DACH2: variants seen among roughly 807,000 people sequenced by gnomAD.
DACH2 encodes dachshund homolog 2.
Under a neutral mutation model 35.8 loss-of-function variants are expected in DACH2, and 17 were observed. The ratio of observed to expected loss-of-function variants is 0.48; its 90% CI spans 0.33 to 0.71. DACH2 has a LOEUF of 0.71. Ranked by LOEUF, DACH2 falls within the 30% of genes least tolerant of loss-of-function variation. DACH2 has a pLI of 0.02. For synonymous variants in DACH2, 195 were observed against 177.3 expected (o/e 1.10, Z -0.79); for missense variants, 469 against 472.7 (o/e 0.99, Z 0.07).
At chrX:86,656,898 T>C (rs2040549228) in intron 4 of DACH2, among the ~76,000 whole-genome samples, 1 of 93,193 alleles carries the variant, frequency 1.1e-5, no homozygotes, top group African/African-American at 4.0e-5. Context: ...TATAGTGAAG[T>C]AGTGTTCAGC....
intron 2 of DACH2, among the ~76,000 whole-genome samples, chrX:86,499,697 C>T (rs143788313): frequency 2.7e-5 from 3 of 111,625 alleles, no homozygotes; most frequent in Non-Finnish European, 5.6e-5. Context: ...AAATCAGATA[C>T]ATTATCATGT....
chrX:86,308,516 T>C (rs1279091140), intron 1 of DACH2, among the ~76,000 whole-genome samples: 1 of 112,318 alleles, frequency 8.9e-6, no homozygotes, highest in Non-Finnish European at 1.9e-5. Flanking sequence ...GTAGGTCGAA[T>C]GGACAAAATA....
intron 1 of DACH2, among the ~76,000 whole-genome samples, chrX:86,373,010 CT>C (rs1175188939): frequency 9.0e-6 from 1 of 110,839 alleles, no homozygotes; most frequent in African/African-American, 3.3e-5. Flanking sequence ...TGATTTTGTT[CT>C]TTTTTATGGC....
intron 4 of DACH2, among the ~76,000 whole-genome samples, chrX:86,691,121 G>T: frequency 9.0e-6 from 1 of 111,543 alleles, no homozygotes; most frequent in Non-Finnish European, 1.9e-5. Context: ...TCTTAGTCAT[G>T]CCTTGTTAAA....
chrX:86,774,881 G>A (rs1465752245), intron 7 of DACH2, among the ~76,000 whole-genome samples: 1 of 111,575 alleles, frequency 9.0e-6, no homozygotes, highest in Non-Finnish European at 1.9e-5. Flanking sequence ...ATTGTATATG[G>A]ACCTTTCAGA....
chrX:86,513,333 A>G (rs1476870025), intron 2 of DACH2, among the ~76,000 whole-genome samples: 1 of 112,034 alleles, frequency 8.9e-6, no homozygotes, highest in Non-Finnish European at 1.9e-5. Flanking sequence ...AGGCAACAGC[A>G]ATATCTTAGG....
At chrX:86,162,747 T>G (rs1029058683) in intron 1 of DACH2, among the ~76,000 whole-genome samples, 3 of 111,773 alleles carry the variant, frequency 2.7e-5, no homozygotes, top group African/African-American at 9.7e-5. Flanking sequence ...AATTATAAAG[T>G]GTCCATTTAC....
chrX:86,243,299 G>A (rs1476174392), intron 1 of DACH2, among the ~76,000 whole-genome samples: 1 of 111,216 alleles, frequency 9.0e-6, no homozygotes, highest in Non-Finnish European at 1.9e-5. Context: ...TTTTGGATTG[G>A]GAATATTTGT....
At chrX:86,608,610 C>T (rs2039891184) in intron 3 of DACH2, among the ~76,000 whole-genome samples, 1 of 111,710 alleles carries the variant, frequency 9.0e-6, no homozygotes. Flanking sequence ...TGCCCTTTAA[C>T]ATTTCTTGTA....
chrX:86,229,657 A>G (rs763794547), intron 1 of DACH2, among the ~76,000 whole-genome samples: 1 of 108,923 alleles, frequency 9.2e-6, no homozygotes, highest in Non-Finnish European at 1.9e-5. Context: ...AGTGTTTTGT[A>G]GTTTTCCCTG....
intron 1 of DACH2, among the ~76,000 whole-genome samples, chrX:86,303,181 G>C (rs996446986): frequency 1.9e-5 from 2 of 106,418 alleles, no homozygotes; most frequent in African/African-American, 3.4e-5. Flanking sequence ...CCAGGAATCA[G>C]GAGACTTGAA....
intron 1 of DACH2, among the ~76,000 whole-genome samples, chrX:86,204,593 T>A (rs2032237558): frequency 9.0e-6 from 1 of 111,466 alleles, no homozygotes; most frequent in African/African-American, 3.3e-5. Context: ...TTAGAATGAG[T>A]TGCGTCAGTT....
At chrX:86,312,360 A>G (rs936248407) in intron 1 of DACH2, among the ~76,000 whole-genome samples, 6 of 111,825 alleles carry the variant, frequency 5.4e-5, no homozygotes, top group Non-Finnish European at 1.1e-4. Flanking sequence ...TAGCTGTATT[A>G]TGTTAAGTGT....
intron 2 of DACH2, among the ~76,000 whole-genome samples, chrX:86,380,048 G>T (rs1392026721): frequency 9.0e-6 from 1 of 111,047 alleles, no homozygotes; most frequent in Non-Finnish European, 1.9e-5. Context: ...CATTTGACCA[G>T]CATAGACATA....
chrX:86,355,321 A>G (rs1028646465), intron 1 of DACH2, among the ~76,000 whole-genome samples: 8 of 111,580 alleles, frequency 7.2e-5, no homozygotes, highest in Non-Finnish European at 1.5e-4. Flanking sequence ...CGATGAGCAT[A>G]TGTGTGTATA....
chrX:86,539,716 T>C (rs751634231), intron 3 of DACH2, among the ~76,000 whole-genome samples: 1 of 111,638 alleles, frequency 9.0e-6, no homozygotes, highest in Non-Finnish European at 1.9e-5. Context: ...CTTTCTCCTT[T>C]CTGTGACTGA....
chrX:86,792,289 G>A (rs1267183179), intron 7 of DACH2, among the ~76,000 whole-genome samples: 1 of 111,752 alleles, frequency 8.9e-6, no homozygotes, highest in Admixed American at 9.5e-5. Flanking sequence ...GTGGTATTTT[G>A]TCACAAGCGT....
At chrX:86,827,902 T>C (rs1389046875) in intron 11 of DACH2, 5 of 790,560 alleles carry the variant, frequency 6.3e-6, no homozygotes, top group South Asian at 2.5e-5. Flanking sequence ...TAATTACTGT[T>C]TGTTCATTAC....
At chrX:86,155,566 C>A (rs1367440510) in intron 1 of DACH2, among the ~76,000 whole-genome samples, 1 of 108,719 alleles carries the variant, frequency 9.2e-6, no homozygotes. Flanking sequence ...TTCCTTGATT[C>A]TGAGAGAGAA....
Sources: allele counts gnomAD v4.1 joint callset (sites outside exome capture counted in the v4.1 genomes callset), GRCh38; gene constraint gnomAD v4.1.1; transcripts MANE v1.5; gene names NCBI Gene and HGNC (gene_info 2026-07-23, HGNC 2026-07-21).